CLDN15: variants seen among roughly 807,000 people sequenced by gnomAD.
CLDN15 encodes the protein claudin 15.
Under a neutral mutation model 24.5 loss-of-function variants are expected in CLDN15, and 9 were observed. That is an observed-to-expected ratio of 0.37 (90% CI 0.22 to 0.64). The LOEUF (loss-of-function observed/expected upper bound fraction) is 0.64. CLDN15 is among the 30% of genes least tolerant of loss of function. CLDN15 has a pLI of 0.63. For synonymous variants in CLDN15, 149 were observed against 131.4 expected (o/e 1.13, Z -0.92); for missense variants, 248 against 305.9 (o/e 0.81, Z 1.41).
At chr7:101,236,362 G>A (rs1266289626) in intron 1 of CLDN15, among the ~76,000 whole-genome samples, 3 of 152,170 alleles carry the variant, frequency 2.0e-5, no homozygotes, top group South Asian at 2.1e-4. Context: ...AGTAGTGGGG[G>A]CACAGGAGAC....
chr7:101,237,817 C>CGCG (rs1213447744), upstream of CLDN15: 2 of 565,278 alleles, frequency 3.5e-6, no homozygotes, highest in Non-Finnish European at 6.4e-6. This position sits in a 1 kb window ranked among gnomAD's most constrained non-coding sequence, Gnocchi z 4.0. Flanking sequence ...TAAGCCTGCG[C>CGCG]GCGGCAGCTG....
chr7:101,233,013 G>A, intron 2 of CLDN15, 99 bp from the exon 3 acceptor site: 5 of 785,360 alleles, frequency 6.4e-6, no homozygotes. Flanking sequence ...GAGTAGGACG[G>A]GGGCACCAAG....
chr7:101,236,496 C>T (rs1798627219), intron 1 of CLDN15, among the ~76,000 whole-genome samples: 2 of 152,226 alleles, frequency 1.3e-5, no homozygotes, highest in South Asian at 4.1e-4. Flanking sequence ...GGTGAGTGGA[C>T]TGGCCCTGAA....
rs189216805 is a variant in CLDN15, at chr7:101,234,576, A to G, written c.218-134T>C. The G allele has an allele frequency of 1.1e-5, 7 of 629,592 alleles. No individual in the cohort carries two copies. In the Admixed American group the frequency reaches 1.6e-4, roughly 15 times the overall value. 39.0% of individuals were successfully genotyped at this position (629,592 alleles called of 1,614,324 possible). The stretch of plus-strand genomic sequence containing the variant: ...CCAGTAGCTGGGATTACAGACACGC[A>G]CCACCACGCCCGGCTAATTTTTCTG... On this transcript the variant is annotated intron_variant, in intron 1 of 4. Transcript: ENST00000308344.
At chr7:101,238,028 A>G (rs1045162038), upstream of CLDN15, 6 of 238,394 alleles carry the variant, frequency 2.5e-5, no homozygotes, top group Non-Finnish European at 4.2e-5. Flanking sequence ...CTCAGCTTTC[A>G]TTGGGGGCCA....
Position 101,234,334 on chromosome 7 carries a change from T to A in CLDN15, c.326A>T (p.Glu109Val). ...GLRCTNIGGLELSRKAKLAAT... is the reference protein window; with the variant it reads ...GLRCTNIGGLVLSRKAKLAAT... ...CGCCAGCTTGGCTTTCCTGGAGAGCTCCAGGCCCCCAATGTTGGTGCAGCG... is the reference window on the plus strand; with the variant it reads ...CGCCAGCTTGGCTTTCCTGGAGAGCACCAGGCCCCCAATGTTGGTGCAGCG... The change falls in exon 2 of 5, where the codon GAG becomes GTG. Residue 109 changes from glutamate to valine, a missense_variant. Coordinates refer to ENST00000308344, the MANE Select transcript of CLDN15 (RefSeq NM_014343.3). The A allele has an allele frequency of 3.1e-6, 5 of 1,611,948 alleles. No individual in the cohort carries two copies. Among genetic ancestry groups the A allele is most frequent in the Non-Finnish European group, 4.2e-6 (5 of 1,179,750 alleles).
At position 101,234,446 on chromosome 7, in the gene CLDN15, G is replaced by C. The variant is rs773971032; in HGVS notation, c.218-4C>G. 1.2e-6 allele frequency: 2 copies of C among 1,605,788 alleles called. No individual in the cohort carries two copies. The highest frequency in any genetic ancestry group is 2.2e-5 in the South Asian group (2 of 90,936). ...GCCCGGCAGGCCTGAATATACCCTG[G>C]GGGTGGGCACAGTTGTCAGCCTTTC... On this transcript the variant is annotated splice_polypyrimidine_tract_variant and splice_region_variant and intron_variant, in intron 1 of 4. Coordinates refer to ENST00000308344, the MANE Select transcript of CLDN15 (RefSeq NM_014343.3).
At chr7:101,233,296 G>C (rs1189995918) in intron 2 of CLDN15, among the ~76,000 whole-genome samples, 1 of 151,978 alleles carries the variant, frequency 6.6e-6, no homozygotes, top group Admixed American at 6.6e-5. Flanking sequence ...TGAAAACCCA[G>C]CTGGGCCATG....
chr7:101,237,330 C>A lies in CLDN15; in HGVS notation c.217+35G>T, dbSNP rs372202302. On this transcript the variant is annotated intron_variant, in intron 1 of 4. Coordinates refer to ENST00000308344, the MANE Select transcript of CLDN15 (RefSeq NM_014343.3). The surrounding 1 kb of genome is among the most constrained non-coding windows in gnomAD (Gnocchi z 4.0). ...CCTGGGGTCTCTGCAGCTTCCCCGC[C>A]GCCCTCTCTCCCTGGAGCGCTCCCC... 2 of 1,389,546 alleles carry A rather than the reference C, an allele frequency of 1.4e-6. No individual in the cohort carries two copies. The highest frequency in any genetic ancestry group is 2.0e-6 in the Non-Finnish European group (2 of 993,318). The allele number at this position is 1,389,546 out of a possible 1,614,324, so 86.1% of individuals were successfully genotyped here.
chr7:101,235,502 A>C (rs1025871245), intron 1 of CLDN15, among the ~76,000 whole-genome samples: 8 of 152,122 alleles, frequency 5.3e-5, no homozygotes, highest in African/African-American at 1.7e-4. Context: ...TCAGTGCCTC[A>C]GTTTCCCTTT....
intron 3 of CLDN15, 49 bp from the exon 4 acceptor site, chr7:101,232,769 G>T: frequency 6.4e-7 from 1 of 1,569,694 alleles, no homozygotes; most frequent in Non-Finnish European, 8.7e-7. Context: ...GACGCCAGCC[G>T]GGGGGCAGGG....
At position 101,237,456 on chromosome 7, in the gene CLDN15, G is replaced by A. The variant is rs200093665; in HGVS notation, c.126C>T (p.Asn42=). 6.8e-6 allele frequency: 11 copies of A among 1,614,060 alleles called. No individual in the cohort carries two copies. In the East Asian group the frequency reaches 1.6e-4, roughly 23 times the overall value. The stretch of plus-strand genomic sequence containing the variant: ...TAAACCAGAGGTTCTCGAAGATGGT[G>A]TTGGTGGTGATGACGTTCCCGTGCA... ...STVHGNVITT[N]TIFENLWFSC... The change falls in exon 1 of 5, where the codon AAC becomes AAT. Residue 42 remains asparagine, a synonymous_variant. Transcript: ENST00000308344. This position sits in a 1 kb window ranked among gnomAD's most constrained non-coding sequence, Gnocchi z 4.0.
intron 1 of CLDN15, among the ~76,000 whole-genome samples, chr7:101,236,163 G>C (rs1280387212): frequency 1.3e-5 from 2 of 152,156 alleles, no homozygotes; most frequent in Admixed American, 6.6e-5. Context: ...GATGTGTCTG[G>C]GAAGTGGGTG....
intron 1 of CLDN15, 131 bp from the exon 2 acceptor site, chr7:101,234,573 C>G (rs1337710706): frequency 3.2e-6 from 2 of 629,134 alleles, no homozygotes; most frequent in East Asian, 2.8e-5. Flanking sequence ...ATTACAGACA[C>G]GCACCACCAC....
In CLDN15 at chr7:101,237,586, G is replaced by T; in HGVS notation, c.-5C>A. ...GGTTTCCACAGCCATCGACATGGTG[G>T]GATGCAGGACCCTGGGGGGCTGGTG... On this transcript the variant is annotated 5_prime_UTR_variant, in exon 1 of 5. Coordinates refer to ENST00000308344, the MANE Select transcript of CLDN15 (RefSeq NM_014343.3). This position sits in a 1 kb window ranked among gnomAD's most constrained non-coding sequence, Gnocchi z 4.0. 1 of 1,611,476 alleles carries T rather than the reference G, an allele frequency of 6.2e-7. No homozygotes were observed. The highest frequency in any genetic ancestry group is 1.3e-5 in the African/African-American group (1 of 74,982).
In CLDN15 at chr7:101,237,264, A is replaced by G; in HGVS notation, c.217+101T>C. 1 of 815,954 alleles carries G rather than the reference A, an allele frequency of 1.2e-6. No homozygotes were observed. Among genetic ancestry groups the G allele is most frequent in the Non-Finnish European group, 2.1e-6 (1 of 484,196 alleles). The allele number at this position is 815,954 out of a possible 1,614,324, so 50.5% of individuals were successfully genotyped here. On this transcript the variant is annotated intron_variant, in intron 1 of 4. Coordinates refer to ENST00000308344, the MANE Select transcript of CLDN15 (RefSeq NM_014343.3). The surrounding 1 kb of genome is among the most constrained non-coding windows in gnomAD (Gnocchi z 4.0). ...CGGGAACTCAGACCCGCAGAGCTTAATTCAGGGCTCCCTGCATCCTCACGG... is the reference window on the plus strand; with the variant it reads ...CGGGAACTCAGACCCGCAGAGCTTAGTTCAGGGCTCCCTGCATCCTCACGG...
intron 1 of CLDN15, among the ~76,000 whole-genome samples, chr7:101,234,830 A>G (rs1562904529): frequency 6.6e-6 from 1 of 151,658 alleles, no homozygotes; most frequent in Non-Finnish European, 1.5e-5. Flanking sequence ...CTCCTTAGGC[A>G]TCTGGGCCCC....
chr7:101,237,817 C>T (rs1448502036), upstream of CLDN15: 6 of 565,396 alleles, frequency 1.1e-5, no homozygotes, highest in Admixed American at 6.1e-5. The surrounding 1 kb of genome is among the most constrained non-coding windows in gnomAD (Gnocchi z 4.0). Context: ...TAAGCCTGCG[C>T]GCGGCAGCTG....
In CLDN15 at chr7:101,232,266, T is replaced by G; in HGVS notation, c.*144A>C. ...TCTTGGCCTGGAGGGGCCATGAGAG[T>G]GCAAGACACGGGGCCGTGGCCGGGG... On this transcript the variant is annotated 3_prime_UTR_variant, in exon 5 of 5. Transcript: ENST00000308344. 1 of 605,624 alleles carries G rather than the reference T, an allele frequency of 1.7e-6. No individual in the cohort carries two copies. The highest frequency in any genetic ancestry group is 2.9e-6 in the Non-Finnish European group (1 of 342,716). 37.5% of individuals were successfully genotyped at this position (605,624 alleles called of 1,614,324 possible).
Sources: gnomAD v4.1 joint callset for allele counts (sites outside exome capture counted in the v4.1 genomes callset) on GRCh38, gnomAD v4.1.1 for gene constraint, Gnocchi (gnomAD v3.1) non-coding constraint, MANE v1.5 for transcripts, NCBI Gene and HGNC (gene_info 2026-07-23, HGNC 2026-07-21) for gene names.